Variants in NTM observed in about 807,000 individuals in gnomAD.
NTM encodes the protein neurotrimin.
Under a neutral mutation model 42.1 loss-of-function variants are expected in NTM, and 13 were observed. The observed-to-expected ratio is 0.31, with a 90% CI of 0.20 to 0.49. The LOEUF is 0.49. NTM is among the 20% of genes least tolerant of loss of function. The pLI, the probability that NTM is intolerant of heterozygous loss-of-function variation, is 0.99. For synonymous variants in NTM, 187 were observed against 179.2 expected, an observed-to-expected ratio of 1.04 and a Z score of -0.35; for missense variants, 373 against 452.8, an observed-to-expected ratio of 0.82 and a Z score of 1.60.
intron 1 of NTM, among the ~76,000 whole-genome samples, chr11:131,512,745 G>C (rs1334769869): frequency 3.3e-5 from 5 of 152,098 alleles, no homozygotes; most frequent in South Asian, 2.1e-4. Flanking sequence ...TGGCCTTCTC[G>C]CTTCCACTCT....
chr11:131,891,421 G>A (rs539567181), intron 1 of NTM, among the ~76,000 whole-genome samples: 5 of 152,304 alleles, frequency 3.3e-5, no homozygotes, highest in African/African-American at 1.2e-4. Context: ...GGAAGATGCT[G>A]TCCAGAAGTA....
rs76783639 is a variant in NTM at position 131,443,067 on chromosome 11, A to G, written c.82+72179A>G. Among the ~76,000 whole-genome samples, 1,140 of 152,294 alleles carry G rather than the reference A, an allele frequency of 7.5e-3. 15 individuals are homozygous for G. Among genetic ancestry groups the G allele is most frequent in the African/African-American group, 0.026 (1,090 of 41,550 alleles). ...TTGAGAAATACCCATACTATTTTCCATAGAAGGAGATATTCTTACCTGTTT... is the reference window on the plus strand; with the variant it reads ...TTGAGAAATACCCATACTATTTTCCGTAGAAGGAGATATTCTTACCTGTTT... On this transcript the variant is annotated intron_variant, in intron 1 of 8. Coordinates refer to ENST00000683400, the MANE Select transcript of NTM (RefSeq NM_001352005.2).
chr11:131,769,486 A>T (rs1206549081), intron 1 of NTM: 1 of 307,276 alleles, frequency 3.3e-6, no homozygotes, highest in Non-Finnish European at 4.8e-6. Context: ...ATAAGTGTTC[A>T]TGAGGAACTA....
chr11:131,991,416 T>G (rs1387940337), intron 2 of NTM, among the ~76,000 whole-genome samples: 1 of 152,186 alleles, frequency 6.6e-6, no homozygotes, highest in East Asian at 1.9e-4. Flanking sequence ...TAATAGGTGA[T>G]TGATTAAATG....
intron 1 of NTM, among the ~76,000 whole-genome samples, chr11:131,636,177 C>T (rs1190063442): frequency 6.6e-6 from 1 of 152,138 alleles, no homozygotes; most frequent in African/African-American, 2.4e-5. Context: ...CAGAAGGAGA[C>T]ACAGAGCCCC....
intron 3 of NTM, among the ~76,000 whole-genome samples, chr11:132,176,385 T>C (rs1247513865): frequency 6.6e-6 from 1 of 151,982 alleles, no homozygotes; most frequent in East Asian, 1.9e-4. Flanking sequence ...AAAACCTGTT[T>C]GAGAAAGGTT....
In NTM at chr11:131,401,846, A is replaced by G. The variant is rs1263190397; in HGVS notation, c.82+30958A>G. ...TATATATATATATATATATATATAT[A>G]TATATATATATATATTTTAATTTAA... is the stretch of plus-strand genomic sequence containing the variant. On this transcript the variant is annotated intron_variant, in intron 1 of 8. Transcript: ENST00000683400. Among the ~76,000 whole-genome samples the G allele has an allele frequency of 1.4e-3, 141 of 98,760 alleles. 7 individuals are homozygous for G. Among genetic ancestry groups the G allele is most frequent in the African/African-American group, 5.0e-3 (129 of 25,784 alleles). The allele number at this position is 98,760 out of a possible 152,430, so 64.8% of individuals were successfully genotyped here. A position where few individuals can be genotyped will look rare whatever the true frequency, so the allele number is the denominator to read the frequency against.
At chr11:131,769,928 G>T (rs2085770136) in intron 1 of NTM, among the ~76,000 whole-genome samples, 1 of 152,120 alleles carries the variant, frequency 6.6e-6, no homozygotes, top group Non-Finnish European at 1.5e-5. Flanking sequence ...TCTTTCATTG[G>T]CAGGCTGCTC....
chr11:131,926,908 T>TA (rs2138373815), intron 2 of NTM, among the ~76,000 whole-genome samples: 1 of 152,368 alleles, frequency 6.6e-6, no homozygotes, highest in East Asian at 1.9e-4. Flanking sequence ...TATAAACGTT[T>TA]AAAATGTGCA....
intron 1 of NTM, chr11:131,660,367 C>G: frequency 2.4e-6 from 1 of 410,602 alleles, no homozygotes; most frequent in South Asian, 1.7e-5. Flanking sequence ...CACACCCAAA[C>G]CAGGAGGGCG....
chr11:131,944,696 A>G lies in NTM; in HGVS notation c.167+33048A>G, dbSNP rs150995107. Among the ~76,000 whole-genome samples, 608 of 152,324 alleles carry G rather than the reference A, an allele frequency of 4.0e-3. 3 individuals carry two copies. The highest frequency in any genetic ancestry group is 6.1e-3 in the Non-Finnish European group (416 of 68,028). ...GTGTTTAAGAGTTGGAAGCTGCTTC[A>G]GGGGTAGGTATTTGTAGTTTCATGA... On this transcript the variant is annotated intron_variant, in intron 2 of 8. Coordinates refer to ENST00000683400, the MANE Select transcript of NTM (RefSeq NM_001352005.2).
intron 1 of NTM, among the ~76,000 whole-genome samples, chr11:131,533,600 G>A (rs1026251255): frequency 1.8e-4 from 28 of 152,198 alleles, no homozygotes; most frequent in Admixed American, 7.9e-4. Context: ...TCACCTGCCC[G>A]TGTCATTGAG....
At chr11:131,447,579 T>A (rs1950157770) in intron 1 of NTM, among the ~76,000 whole-genome samples, 2 of 152,304 alleles carry the variant, frequency 1.3e-5, no homozygotes, top group Middle Eastern at 3.4e-3. Flanking sequence ...AATTGAGCAA[T>A]CTTTCAGAAG....
chr11:131,865,410 T>A (rs2137005224), intron 1 of NTM, among the ~76,000 whole-genome samples: 1 of 152,350 alleles, frequency 6.6e-6, no homozygotes, highest in South Asian at 2.1e-4. Flanking sequence ...TTATATGAAC[T>A]ATGTGATTGG....
chr11:132,314,451 A>G, intron 6 of NTM, 101 bp from the exon 7 acceptor site: 1 of 1,301,654 alleles, frequency 7.7e-7, no homozygotes, highest in African/African-American at 1.5e-5. Context: ...GATGTCAGAA[A>G]GGGGGGCAAG....
At chr11:131,957,941 A>C (rs1361064115) in intron 2 of NTM, among the ~76,000 whole-genome samples, 1 of 152,102 alleles carries the variant, frequency 6.6e-6, no homozygotes, top group Non-Finnish European at 1.5e-5. Context: ...ATGCTTAAAG[A>C]TCCTAGAAAT....
At chr11:131,653,503 T>C (rs1015363226) in intron 1 of NTM, among the ~76,000 whole-genome samples, 3 of 152,224 alleles carry the variant, frequency 2.0e-5, no homozygotes, top group African/African-American at 4.8e-5. Context: ...TTTTACTATA[T>C]GAACAAGCTC....
intron 1 of NTM, among the ~76,000 whole-genome samples, chr11:131,545,860 C>A (rs1325853076): frequency 6.6e-6 from 1 of 152,112 alleles, no homozygotes. Flanking sequence ...TGCCTTCATG[C>A]AAAGAACATT....
At chr11:132,232,356 C>T (rs1263561919) in intron 4 of NTM, among the ~76,000 whole-genome samples, 1 of 152,036 alleles carries the variant, frequency 6.6e-6, no homozygotes, top group Non-Finnish European at 1.5e-5. Flanking sequence ...ACTGATCTCC[C>T]GCATTCATGA....
Sources: gnomAD v4.1 joint callset for allele counts (sites outside exome capture counted in the v4.1 genomes callset) on GRCh38, gnomAD v4.1.1 for gene constraint, MANE v1.5 for transcripts, NCBI Gene and HGNC (gene_info 2026-07-23, HGNC 2026-07-21) for gene names.